HSD17B8: variants seen among roughly 807,000 people sequenced by gnomAD.
HSD17B8 encodes the protein (3R)-3-hydroxyacyl-CoA dehydrogenase.
Under a neutral mutation model 33.2 loss-of-function variants are expected in HSD17B8, and 23 were observed. The ratio of observed to expected loss-of-function variants is 0.69; its 90% confidence interval spans 0.50 to 0.98. The LOEUF (loss-of-function observed/expected upper bound fraction) is 0.98. HSD17B8 is among the 50% of genes least tolerant of loss of function. HSD17B8 has a pLI of 0.00. For synonymous variants in HSD17B8, 137 were observed against 138.6 expected (o/e 0.99, Z 0.08); for missense variants, 345 against 347.5 (o/e 0.99, Z 0.06).
At chr6:33,204,843 C>T in intron 1 of HSD17B8, 59 bp from the exon 2 acceptor site, 4 of 1,512,686 alleles carry the variant, frequency 2.6e-6, no homozygotes, top group Non-Finnish European at 2.7e-6. Context: ...TGCCCTGTGA[C>T]CTCTGATCCC....
At position 33,205,511 on chromosome 6, in the gene HSD17B8, T is replaced by C; in HGVS notation, c.452T>C (p.Ile151Thr). The C allele has an allele frequency of 6.2e-7, 1 of 1,613,066 alleles. No individual in the cohort carries two copies. Among genetic ancestry groups the C allele is most frequent in the Non-Finnish European group, 8.5e-7 (1 of 1,180,006 alleles). ...GTGTCCAATGGTTGTCGTGGTTCCA[T>C]CATCAACATCAGTAGCATCGTAGGA... Reference protein sequence around the residue: ...ALVSNGCRGSIINISSIVGKV... With the variant: ...ALVSNGCRGSTINISSIVGKV... The change falls in exon 4 of 9, where the codon ATC (isoleucine) becomes ACC (threonine). Residue 151 changes from isoleucine (I) to threonine (T), a missense_variant. Transcript: ENST00000374662. The surrounding 1 kb of genome is among the most constrained non-coding windows in gnomAD (Gnocchi z 5.0).
In HSD17B8 at chr6:33,206,452, A is replaced by T. The variant is rs1415803475; in HGVS notation, c.769+3A>T. On this transcript the variant is annotated splice_donor_region_variant and intron_variant, in intron 8 of 8. Transcript: ENST00000374662. This position sits in a 1 kb window ranked among gnomAD's most constrained non-coding sequence, Gnocchi z 6.2. ...AGGGACCTCAGTGGAAGTCACTGGT[A>T]TGAGGCCAGCATGGGGAGGGAGAGG... 1 of 1,612,774 alleles carries T rather than the reference A, an allele frequency of 6.2e-7. No individual in the cohort carries two copies. The highest frequency in any genetic ancestry group is 8.5e-7 in the Non-Finnish European group (1 of 1,178,862).
At position 33,206,579 on chromosome 6, in the gene HSD17B8, C is replaced by A; in HGVS notation, c.770-59C>A. 1 of 1,597,622 alleles carries A rather than the reference C, an allele frequency of 6.3e-7. No individual in the cohort carries two copies. Among genetic ancestry groups the A allele is most frequent in the Non-Finnish European group, 8.6e-7 (1 of 1,165,152 alleles). On this transcript the variant is annotated intron_variant, in intron 8 of 8. Transcript: ENST00000374662. The surrounding 1 kb of genome is among the most constrained non-coding windows in gnomAD (Gnocchi z 6.2). ...CAAGGCCAGGGACAGAAGTGGGTACCCCCTAGCCCATTTGTGTCTCCACCC... is the reference window on the plus strand; with the variant it reads ...CAAGGCCAGGGACAGAAGTGGGTACACCCTAGCCCATTTGTGTCTCCACCC...
Position 33,206,447 on chromosome 6 carries a change from C to T in HSD17B8, c.767C>T (p.Thr256Ile). 1.9e-6 allele frequency: 3 copies of T among 1,613,310 alleles called. No homozygotes were observed. Among genetic ancestry groups the T allele is most frequent in the Non-Finnish European group, 2.5e-6 (3 of 1,179,300 alleles). Residue 256 changes from threonine (T) to isoleucine (I), a missense_variant and splice_region_variant, in exon 8 of 9, where the codon ACT becomes ATT. Thr to Ile is a moderately conservative substitution (Grantham distance 89, BLOSUM62 -1). Coordinates refer to ENST00000374662, the MANE Select transcript of HSD17B8 (RefSeq NM_014234.5). This position sits in a 1 kb window ranked among gnomAD's most constrained non-coding sequence, Gnocchi z 6.2. ...GYITGTSVEV[T>I]GGLFM The stretch of plus-strand genomic sequence containing the variant: ...ATCACAGGGACCTCAGTGGAAGTCA[C>T]TGGTATGAGGCCAGCATGGGGAGGG...
Position 33,205,964 on chromosome 6 carries a change from G to GAA in HSD17B8, c.651+52_651+53insAA. 6.7e-6 allele frequency: 9 copies of GAA among 1,345,020 alleles called. No homozygotes were observed. The highest frequency in any genetic ancestry group is 8.3e-6 in the Non-Finnish European group (8 of 959,406). 83.3% of individuals were successfully genotyped at this position (1,345,020 alleles called of 1,614,324 possible). ...ATCATTCAGAGACTCAATCTCTCTG[G>GAA]GCTTCACAGAGAGAGAGAGAGAGAG... On this transcript the variant is annotated intron_variant, in intron 6 of 8. Coordinates refer to ENST00000374662, the MANE Select transcript of HSD17B8 (RefSeq NM_014234.5). This position sits in a 1 kb window ranked among gnomAD's most constrained non-coding sequence, Gnocchi z 5.0.
In HSD17B8 at chr6:33,205,469, C is replaced by T; in HGVS notation, c.410C>T (p.Ala137Val). 6.2e-7 allele frequency: 1 copy of T among 1,613,152 alleles called. No individual in the cohort carries two copies. The highest frequency in any genetic ancestry group is 8.5e-7 in the Non-Finnish European group (1 of 1,180,022). ...NLKGTFLVTQ[A>V]AAQALVSNGC... Reference sequence around the variant, plus strand: ...CAGGGCACCTTCCTAGTCACTCAGGCTGCAGCACAAGCCCTGGTGTCCAAT... The same window carrying T: ...CAGGGCACCTTCCTAGTCACTCAGGTTGCAGCACAAGCCCTGGTGTCCAAT... Residue 137 changes from alanine (A) to valine (V), a missense_variant, in exon 4 of 9, where the codon GCT becomes GTT. Physicochemically the swap from Ala to Val is moderately conservative, Grantham distance 64. Transcript: ENST00000374662. This position sits in a 1 kb window ranked among gnomAD's most constrained non-coding sequence, Gnocchi z 5.0.
Position 33,206,518 on chromosome 6 carries a change from G to A in HSD17B8, c.769+69G>A. Reference sequence around the variant, plus strand: ...CCAGACTATATGAGAAAGCAAGTAAGGGGAGTCTGGAGCCACTGGGAAGGG... The same window carrying A: ...CCAGACTATATGAGAAAGCAAGTAAAGGGAGTCTGGAGCCACTGGGAAGGG... On this transcript the variant is annotated intron_variant, in intron 8 of 8. Coordinates refer to ENST00000374662, the MANE Select transcript of HSD17B8 (RefSeq NM_014234.5). The surrounding 1 kb of genome is among the most constrained non-coding windows in gnomAD (Gnocchi z 6.2). 6.4e-7 allele frequency: 1 copy of A among 1,566,360 alleles called. No individual in the cohort carries two copies. Among genetic ancestry groups the A allele is most frequent in the Non-Finnish European group, 8.8e-7 (1 of 1,136,840 alleles).
chr6:33,204,894 T>C lies in HSD17B8; in HGVS notation c.53-8T>C. On this transcript the variant is annotated splice_polypyrimidine_tract_variant and splice_region_variant and intron_variant, in intron 1 of 8. Coordinates refer to ENST00000374662, the MANE Select transcript of HSD17B8 (RefSeq NM_014234.5). ...GTGCCCGGTCCGGCGTGTTCTGTCC[T>C]ACCTCAGGTGCGGGGAGCGGCATCG... 1 of 1,474,678 alleles carries C rather than the reference T, an allele frequency of 6.8e-7. No individual in the cohort carries two copies. Among genetic ancestry groups the C allele is most frequent in the Non-Finnish European group, 9.0e-7 (1 of 1,112,278 alleles). The allele number at this position is 1,474,678 out of a possible 1,614,324, so 91.3% of individuals were successfully genotyped here. A position where few individuals can be genotyped will look rare whatever the true frequency, so the allele number is the denominator to read the frequency against.
chr6:33,205,830 A>G lies in HSD17B8; in HGVS notation c.569A>G (p.His190Arg), dbSNP rs34491699. 3,156 of 1,612,578 alleles carry G rather than the reference A, an allele frequency of 2.0e-3. 30 individuals carry two copies. In the African/African-American group the frequency reaches 0.027, roughly 14 times the overall value. ...GGCAGCCACTCTCCTTCCCACAGAC[A>G]TGGGATCCGCTGTAACTCTGTCCTC... ...TQTAARELGRHGIRCNSVLPG... is the reference protein window; with the variant it reads ...TQTAARELGRRGIRCNSVLPG... The change falls in exon 6 of 9, where the codon CAT (histidine) becomes CGT (arginine). Residue 190 changes from histidine (H) to arginine (R), a missense_variant and splice_region_variant. His to Arg is a conservative substitution (Grantham distance 29). Coordinates refer to ENST00000374662, the MANE Select transcript of HSD17B8 (RefSeq NM_014234.5). This position sits in a 1 kb window ranked among gnomAD's most constrained non-coding sequence, Gnocchi z 5.0.
rs749419029 is a variant in HSD17B8, at chr6:33,205,125, C to T, written c.270+6C>T. ...GCCTGCTGGAACAAGTGCAGGTGAA[C>T]GCTAGGCCACTTTCCCCCTCTAAAG... On this transcript the variant is annotated splice_donor_region_variant and intron_variant, in intron 2 of 8. Transcript: ENST00000374662. This position sits in a 1 kb window ranked among gnomAD's most constrained non-coding sequence, Gnocchi z 5.0. The T allele has an allele frequency of 1.9e-6, 3 of 1,576,576 alleles. No individual in the cohort carries two copies. In the South Asian group the frequency reaches 3.5e-5, roughly 19 times the overall value.
Position 33,205,045 on chromosome 6 carries a change from C to T in HSD17B8, c.196C>T (p.Arg66Ter). The change falls in exon 2 of 9, where the codon CGA becomes TGA. Residue 66 changes from arginine to a stop codon, truncating the protein, a stop_gained. Coordinates refer to ENST00000374662, the MANE Select transcript of HSD17B8 (RefSeq NM_014234.5). LOFTEE classifies it high-confidence loss of function. The surrounding 1 kb of genome is among the most constrained non-coding windows in gnomAD (Gnocchi z 5.0). ...GGPGSKEGPP[R>*]GNHAAFQADV... is the part of the protein sequence containing the mutation. ...GCCAGGGAGCAAGGAGGGGCCGCCC[C>T]GAGGGAACCATGCTGCCTTCCAGGC... is the stretch of plus-strand genomic sequence containing the variant. 1 of 1,551,280 alleles carries T rather than the reference C, an allele frequency of 6.4e-7. No homozygotes were observed. Among genetic ancestry groups the T allele is most frequent in the Non-Finnish European group, 8.7e-7 (1 of 1,151,044 alleles).
chr6:33,205,447 G>C lies in HSD17B8; in HGVS notation c.388G>C (p.Gly130Arg). The C allele has an allele frequency of 6.2e-7, 1 of 1,613,070 alleles. No individual in the cohort carries two copies. The highest frequency in any genetic ancestry group is 8.5e-7 in the Non-Finnish European group (1 of 1,179,982). Residue 130 changes from glycine to arginine, a missense_variant and splice_region_variant, in exon 4 of 9, where the codon GGC becomes CGC. Coordinates refer to ENST00000374662, the MANE Select transcript of HSD17B8 (RefSeq NM_014234.5). This position sits in a 1 kb window ranked among gnomAD's most constrained non-coding sequence, Gnocchi z 5.0. Reference protein sequence around the residue: ...WDKVIAVNLKGTFLVTQAAAQ... With the variant: ...WDKVIAVNLKRTFLVTQAAAQ... Reference sequence around the variant, plus strand: ...CTCCCTTGTTACCCTTTCCCGCCAGGGCACCTTCCTAGTCACTCAGGCTGC... The same window carrying C: ...CTCCCTTGTTACCCTTTCCCGCCAGCGCACCTTCCTAGTCACTCAGGCTGC...
Position 33,205,618 on chromosome 6 carries a change from C to T in HSD17B8, c.481-22C>T, listed in dbSNP as rs754471367. Reference sequence around the variant, plus strand: ...CCTCCTTGAGACTCCTGACTCATTCCACATCTCTGACTCACCTATAGGTGG... The same window carrying T: ...CCTCCTTGAGACTCCTGACTCATTCTACATCTCTGACTCACCTATAGGTGG... On this transcript the variant is annotated intron_variant, in intron 4 of 8. Coordinates refer to ENST00000374662, the MANE Select transcript of HSD17B8 (RefSeq NM_014234.5). The surrounding 1 kb of genome is among the most constrained non-coding windows in gnomAD (Gnocchi z 5.0). 3 of 1,612,474 alleles carry T rather than the reference C, an allele frequency of 1.9e-6. No homozygotes were observed. The highest frequency in any genetic ancestry group is 1.6e-4 in the Middle Eastern group (1 of 6,062).
At position 33,205,645 on chromosome 6, in the gene HSD17B8, G is replaced by C; in HGVS notation, c.486G>C (p.Gly162=). The C allele has an allele frequency of 6.2e-7, 1 of 1,613,064 alleles. No homozygotes were observed. Among genetic ancestry groups the C allele is most frequent in the Non-Finnish European group, 8.5e-7 (1 of 1,180,008 alleles). The change falls in exon 5 of 9, where the codon GGG becomes GGC. Residue 162 remains glycine (G), a synonymous_variant. Coordinates refer to ENST00000374662, the MANE Select transcript of HSD17B8 (RefSeq NM_014234.5). This position sits in a 1 kb window ranked among gnomAD's most constrained non-coding sequence, Gnocchi z 5.0. ...CATCTCTGACTCACCTATAGGTGGG[G>C]AACGTGGGGCAGACAAACTATGCAG... ...INISSIVGKV[G]NVGQTNYAAS... is the part of the protein sequence containing the mutation.
Position 33,206,332 on chromosome 6 carries a change from T to C in HSD17B8, c.695-43T>C, listed in dbSNP as rs749983905. On this transcript the variant is annotated intron_variant, in intron 7 of 8. Coordinates refer to ENST00000374662, the MANE Select transcript of HSD17B8 (RefSeq NM_014234.5). The surrounding 1 kb of genome is among the most constrained non-coding windows in gnomAD (Gnocchi z 6.2). ...GGAGATTATGGCTGTTTTGGGTCTATGGGAGTGAGCAGAATTCTGCCCTCT... is the reference window on the plus strand; with the variant it reads ...GGAGATTATGGCTGTTTTGGGTCTACGGGAGTGAGCAGAATTCTGCCCTCT... The C allele has an allele frequency of 1.3e-6, 2 of 1,597,086 alleles. No homozygotes were observed. The highest frequency in any genetic ancestry group is 1.1e-5 in the South Asian group (1 of 90,764).
In HSD17B8 at chr6:33,205,878, T is replaced by C. The variant is rs189630491; in HGVS notation, c.617T>C (p.Met206Thr). 2.1e-5 allele frequency: 34 copies of C among 1,612,818 alleles called. 1 individual carries two copies. Among genetic ancestry groups the C allele is most frequent in the Non-Finnish European group, 2.5e-5 (30 of 1,179,974 alleles). Residue 206 changes from methionine (M) to threonine (T), a missense_variant, in exon 6 of 9, where the codon ATG becomes ACG. Physicochemically the swap from Met to Thr is moderately conservative, Grantham distance 81. Coordinates refer to ENST00000374662, the MANE Select transcript of HSD17B8 (RefSeq NM_014234.5). The surrounding 1 kb of genome is among the most constrained non-coding windows in gnomAD (Gnocchi z 5.0). ...SVLPGFIATP[M>T]TQKVPQKVVD... The stretch of plus-strand genomic sequence containing the variant: ...CTCCCAGGGTTCATTGCAACACCCA[T>C]GACACAGAAAGTGCCACAGAAAGTG...
At position 33,206,502 on chromosome 6, in the gene HSD17B8, A is replaced by G. The variant is rs1261239728; in HGVS notation, c.769+53A>G. On this transcript the variant is annotated intron_variant, in intron 8 of 8. Transcript: ENST00000374662. The surrounding 1 kb of genome is among the most constrained non-coding windows in gnomAD (Gnocchi z 6.2). ...GGCAGAGAAGTAGAACCCAGACTATATGAGAAAGCAAGTAAGGGGAGTCTG... is the reference window on the plus strand; with the variant it reads ...GGCAGAGAAGTAGAACCCAGACTATGTGAGAAAGCAAGTAAGGGGAGTCTG... 3.8e-6 allele frequency: 6 copies of G among 1,576,982 alleles called. No homozygotes were observed. The highest frequency in any genetic ancestry group is 1.4e-5 in the African/African-American group (1 of 74,046).
Position 33,205,998 on chromosome 6 carries a change from A to AGAGAGAG in HSD17B8, c.651+86_651+87insGAGAGAG. On this transcript the variant is annotated intron_variant, in intron 6 of 8. Coordinates refer to ENST00000374662, the MANE Select transcript of HSD17B8 (RefSeq NM_014234.5). This position sits in a 1 kb window ranked among gnomAD's most constrained non-coding sequence, Gnocchi z 5.0. ...GAGAGAGAGAGAGAGAGAGAGAGAG[A>AGAGAGAG]ATACTGGGCACAGTTCCTGGCAAAC... The AGAGAGAG allele has an allele frequency of 1.3e-4, 172 of 1,342,516 alleles. No individual in the cohort carries two copies. Among genetic ancestry groups the AGAGAGAG allele is most frequent in the African/African-American group, 2.4e-4 (16 of 67,828 alleles). The allele number at this position is 1,342,516 out of a possible 1,614,324, so 83.2% of individuals were successfully genotyped here.
rs1479366518 is a variant in HSD17B8 at position 33,206,109 on chromosome 6, C to T, written c.652-25C>T. 1 of 1,607,940 alleles carries T rather than the reference C, an allele frequency of 6.2e-7. No homozygotes were observed. The stretch of plus-strand genomic sequence containing the variant: ...CAAAAAAATCCATAAAAGAAGCTTT[C>T]ACCCACATGAGTATTTCCTTACAGA... On this transcript the variant is annotated intron_variant, in intron 6 of 8. Transcript: ENST00000374662. The surrounding 1 kb of genome is among the most constrained non-coding windows in gnomAD (Gnocchi z 6.2).
Sources: allele counts gnomAD v4.1 joint callset, GRCh38; gene constraint gnomAD v4.1.1; non-coding constraint Gnocchi (gnomAD v3.1); transcripts MANE v1.5; gene names NCBI Gene and HGNC (gene_info 2026-07-23, HGNC 2026-07-21).